ZC2HC1A: variants seen among roughly 807,000 people sequenced by gnomAD.
The protein encoded by ZC2HC1A is zinc finger C2HC domain-containing protein 1A.
Under a neutral mutation model 40.7 loss-of-function variants are expected in ZC2HC1A, and 28 were observed. The ratio of observed to expected loss-of-function variants is 0.69; its 90% CI spans 0.51 to 0.94. The LOEUF (loss-of-function observed/expected upper bound fraction) is 0.94, where lower values mean the gene tolerates loss of function less well. Ranked by LOEUF, ZC2HC1A falls within the 40% of genes least tolerant of loss-of-function variation. The probability of loss-of-function intolerance (pLI) is 0.00; values close to 1 mark genes in which losing one functional copy is unlikely to be tolerated. For synonymous variants in ZC2HC1A, 129 were observed against 129.2 expected (o/e 1.00, Z 0.01); for missense variants, 389 against 386.3 (o/e 1.01, Z -0.06).
intron 4 of ZC2HC1A, 21 bp from the exon 5 acceptor site, chr8:78,689,201 T>TC: frequency 6.9e-7 from 1 of 1,452,112 alleles, no homozygotes; most frequent in Middle Eastern, 1.9e-4. Context: ...ATTAATCTGT[T>TC]TCCGTTTTTA....
chr8:78,703,895 C>G (rs1240251762), intron 7 of ZC2HC1A, among the ~76,000 whole-genome samples: 2 of 152,154 alleles, frequency 1.3e-5, no homozygotes, highest in African/African-American at 4.8e-5. Context: ...CTGTGTACCT[C>G]ATTGAGTTTT....
At chr8:78,717,001 A>C (rs1268474590) in intron 8 of ZC2HC1A, among the ~76,000 whole-genome samples, 2 of 151,284 alleles carry the variant, frequency 1.3e-5, no homozygotes, top group Admixed American at 1.3e-4. Context: ...TACAGCCTGC[A>C]GAACTGTGAG....
intron 2 of ZC2HC1A, chr8:78,676,109 C>T: frequency 3.1e-6 from 1 of 322,228 alleles, no homozygotes; most frequent in Non-Finnish European, 5.6e-6. Flanking sequence ...GAGACTCTTA[C>T]CAAAAACAAA....
intron 1 of ZC2HC1A, among the ~76,000 whole-genome samples, chr8:78,670,148 G>A (rs923475731): frequency 6.6e-6 from 1 of 151,812 alleles, no homozygotes; most frequent in Non-Finnish European, 1.5e-5. Context: ...TGTATTTTTA[G>A]TAGAGATGGG....
chr8:78,714,766 T>G (rs1056219832), intron 7 of ZC2HC1A, among the ~76,000 whole-genome samples: 4 of 152,182 alleles, frequency 2.6e-5, no homozygotes, highest in Admixed American at 1.3e-4. Context: ...TTTTTAGAAC[T>G]TTCATAAGTT....
At chr8:78,672,938 T>C (rs944508830) in intron 1 of ZC2HC1A, among the ~76,000 whole-genome samples, 7 of 152,166 alleles carry the variant, frequency 4.6e-5, no homozygotes, top group African/African-American at 1.7e-4. Context: ...GGGCTACATG[T>C]GCAGAACGTG....
chr8:78,697,488 G>A lies in ZC2HC1A; in HGVS notation c.586G>A (p.Ala196Thr), dbSNP rs201671046. Reference protein sequence around the residue: ...GSSRLPQPSGAGKTVVGVPSG... With the variant: ...GSSRLPQPSGTGKTVVGVPSG... ...TTCACGATTACCGCAGCCAAGTGGC[G>A]CTGGCAAAACTGTTGTAGGTAATGA... is the stretch of plus-strand genomic sequence containing the variant. Residue 196 changes from alanine (A) to threonine (T), a missense_variant, in exon 6 of 9, where the codon GCT becomes ACT. Ala to Thr is a moderately conservative substitution (Grantham distance 58, BLOSUM62 0). Coordinates refer to ENST00000263849, the MANE Select transcript of ZC2HC1A (RefSeq NM_016010.3). 1.7e-4 allele frequency: 278 copies of A among 1,607,626 alleles called. No homozygotes were observed. The highest frequency in any genetic ancestry group is 2.3e-4 in the Non-Finnish European group (266 of 1,178,470).
rs141261837 is a variant in ZC2HC1A at position 78,719,432 on chromosome 8, C to G, written c.*1939C>G. On this transcript the variant is annotated 3_prime_UTR_variant, in exon 9 of 9. Transcript: ENST00000263849. Reference sequence around the variant, plus strand: ...GTAGGTGAAATAGATTTATGACTTACGAAATATGTTGTGACAATATATTTA... The same window carrying G: ...GTAGGTGAAATAGATTTATGACTTAGGAAATATGTTGTGACAATATATTTA... The G allele has an allele frequency of 5.3e-5, 8 of 151,502 alleles. No homozygotes were observed. Among genetic ancestry groups the G allele is most frequent in the Admixed American group, 1.3e-4 (2 of 15,208 alleles). The allele number at this position is 151,502 out of a possible 1,614,324, so 9.4% of individuals were successfully genotyped here.
In ZC2HC1A at chr8:78,717,668, A is replaced by C. The variant is rs1242828951; in HGVS notation, c.*175A>C. The C allele has an allele frequency of 6.3e-6, 3 of 474,096 alleles. No individual in the cohort carries two copies. The highest frequency in any genetic ancestry group is 5.8e-4 in the Middle Eastern group (1 of 1,710). The allele number at this position is 474,096 out of a possible 1,614,324, so 29.4% of individuals were successfully genotyped here. Reference sequence around the variant, plus strand: ...AATGTGTGTATGTTTATATGTGTACATATACTGTATATAATAAATATCTGA... The same window carrying C: ...AATGTGTGTATGTTTATATGTGTACCTATACTGTATATAATAAATATCTGA... On this transcript the variant is annotated 3_prime_UTR_variant, in exon 9 of 9. Transcript: ENST00000263849.
chr8:78,678,933 A>G, intron 3 of ZC2HC1A: 1 of 234,162 alleles, frequency 4.3e-6, no homozygotes, highest in East Asian at 8.3e-5. Context: ...CATCAATTAC[A>G]GTGAGATTTT....
intron 3 of ZC2HC1A, 63 bp from the exon 4 acceptor site, chr8:78,686,403 AT>A (rs1809971938): frequency 8.3e-6 from 10 of 1,206,902 alleles, no homozygotes; most frequent in Non-Finnish European, 8.6e-6. Context: ...CTGATGTTTT[AT>A]TTCAATATAC....
At chr8:78,690,775 T>C (rs967730277) in intron 5 of ZC2HC1A, among the ~76,000 whole-genome samples, 1 of 152,190 alleles carries the variant, frequency 6.6e-6, no homozygotes, top group African/African-American at 2.4e-5. Flanking sequence ...TTTAGCAGTG[T>C]TTTGTAGTGT....
rs1271745389 is a variant in ZC2HC1A, at chr8:78,687,862, ATC to A, written c.352+1256_352+1257del. ...TTATATATATATTTATATAATATAT[ATC>A]TATATAATAAATATATATTTATATA... is the stretch of plus-strand genomic sequence containing the variant. On this transcript the variant is annotated intron_variant, in intron 4 of 8. Transcript: ENST00000263849. Among the ~76,000 whole-genome samples, 16 of 34,204 alleles carry A rather than the reference ATC, an allele frequency of 4.7e-4. No individual in the cohort carries two copies. In the East Asian group the frequency reaches 5.6e-3, roughly 12 times the overall value. 22.4% of individuals were successfully genotyped at this position (34,204 alleles called of 152,430 possible). A position where few individuals can be genotyped will look rare whatever the true frequency, so the allele number is the denominator to read the frequency against.
intron 7 of ZC2HC1A, among the ~76,000 whole-genome samples, chr8:78,707,647 AC>A (rs1223718566): frequency 6.6e-6 from 1 of 152,194 alleles, no homozygotes; most frequent in Admixed American, 6.5e-5. Context: ...ATCATATATA[AC>A]TGTCAATCAT....
intron 5 of ZC2HC1A, among the ~76,000 whole-genome samples, chr8:78,695,087 C>G (rs1723583111): frequency 6.6e-6 from 1 of 152,014 alleles, no homozygotes. Context: ...GGGAAAACAG[C>G]AAGATACCGA....
Position 78,719,416 on chromosome 8 carries a change from A to G in ZC2HC1A, c.*1923A>G, listed in dbSNP as rs1378034883. 1 of 151,766 alleles carries G rather than the reference A, an allele frequency of 6.6e-6. No homozygotes were observed. The highest frequency in any genetic ancestry group is 2.4e-5 in the African/African-American group (1 of 41,422). The allele number at this position is 151,766 out of a possible 1,614,324, so 9.4% of individuals were successfully genotyped here. ...CCAGAGATTATAAACAGTAGGTGAA[A>G]TAGATTTATGACTTACGAAATATGT... is the stretch of plus-strand genomic sequence containing the variant. On this transcript the variant is annotated 3_prime_UTR_variant, in exon 9 of 9. Coordinates refer to ENST00000263849, the MANE Select transcript of ZC2HC1A (RefSeq NM_016010.3).
chr8:78,695,079 G>A (rs1405421769), intron 5 of ZC2HC1A, among the ~76,000 whole-genome samples: 2 of 152,110 alleles, frequency 1.3e-5, no homozygotes, highest in African/African-American at 4.8e-5. Context: ...CTAGGTCAGG[G>A]AAAACAGCAA....
chr8:78,717,502 T>G lies in ZC2HC1A; in HGVS notation c.*9T>G. On this transcript the variant is annotated 3_prime_UTR_variant, in exon 9 of 9. Transcript: ENST00000263849. ...GAAGAATGATTCTATGAATAGAATCTCAAAAAAAAAAAAAAGCCAAGTTCA... is the reference window on the plus strand; with the variant it reads ...GAAGAATGATTCTATGAATAGAATCGCAAAAAAAAAAAAAAGCCAAGTTCA... 7.8e-7 allele frequency: 1 copy of G among 1,279,902 alleles called. No homozygotes were observed. The highest frequency in any genetic ancestry group is 1.0e-6 in the Non-Finnish European group (1 of 1,001,782). 79.3% of individuals were successfully genotyped at this position (1,279,902 alleles called of 1,614,324 possible).
chr8:78,692,399 G>T (rs1269669104), intron 5 of ZC2HC1A, among the ~76,000 whole-genome samples: 3 of 152,058 alleles, frequency 2.0e-5, no homozygotes, highest in Admixed American at 6.6e-5. Context: ...GCCACCTGTG[G>T]TCATTTGCAG....
Sources: gnomAD v4.1 joint callset for allele counts (sites outside exome capture counted in the v4.1 genomes callset) on GRCh38, gnomAD v4.1.1 for gene constraint, MANE v1.5 for transcripts, NCBI Gene and HGNC (gene_info 2026-07-23, HGNC 2026-07-21) for gene names.